The following OPRD1 variants were observed in gnomAD, a reference collection of about 807,000 sequenced individuals.
OPRD1 encodes the protein opioid receptor delta 1.
OPRD1 carries 19 observed loss-of-function variants against 17.5 expected under a neutral mutation model. That is an observed-to-expected ratio of 1.09 (90% CI 0.76 to 1.60). The LOEUF (loss-of-function observed/expected upper bound fraction) is 1.60, where lower values mean the gene tolerates loss of function less well. Ranked by LOEUF, OPRD1 falls within the 40% of genes most tolerant of loss-of-function variation. OPRD1 has a pLI of 0.00. For synonymous variants in OPRD1, 256 were observed against 240.9 expected, an observed-to-expected ratio of 1.06 and a Z score of -0.58; for missense variants, 483 against 547.2, an observed-to-expected ratio of 0.88 and a Z score of 1.17.
At chr1:28,822,412 A>G (rs1176794567) in intron 1 of OPRD1, among the ~76,000 whole-genome samples, 1 of 152,086 alleles carries the variant, frequency 6.6e-6, no homozygotes, top group Non-Finnish European at 1.5e-5. Context: ...AGAAAAGACA[A>G]GCAGAATTGC....
chr1:28,814,994 C>T (rs1275227149), intron 1 of OPRD1, among the ~76,000 whole-genome samples: 2 of 152,206 alleles, frequency 1.3e-5, no homozygotes, highest in African/African-American at 4.8e-5. Flanking sequence ...GAGGGTACCA[C>T]AGTTGGCACC....
chr1:28,853,011 C>T (rs750325931), intron 1 of OPRD1, among the ~76,000 whole-genome samples: 17 of 152,136 alleles, frequency 1.1e-4, no homozygotes, highest in Admixed American at 3.3e-4. Flanking sequence ...TGAGCCACCG[C>T]GCCCAGCCAA....
At chr1:28,820,158 TTTGA>T in intron 1 of OPRD1, among the ~76,000 whole-genome samples, 1 of 151,884 alleles carries the variant, frequency 6.6e-6, no homozygotes, top group Non-Finnish European at 1.5e-5. Context: ...TTTGCATTCA[TTTGA>T]TTGACATTTA....
At chr1:28,847,283 T>G (rs1257632307) in intron 1 of OPRD1, among the ~76,000 whole-genome samples, 2 of 152,078 alleles carry the variant, frequency 1.3e-5, no homozygotes, top group African/African-American at 4.8e-5. Context: ...AACTCCTGAC[T>G]TCAGGTGATC....
chr1:28,846,846 TTTTCTTTC>T (rs1553150754), intron 1 of OPRD1, among the ~76,000 whole-genome samples: 3,558 of 76,790 alleles, frequency 0.046, 130 homozygotes, highest in African/African-American at 0.11. Flanking sequence ...TCTTTCTTTC[TTTTCTTTC>T]TTTCTTTCTT....
intron 1 of OPRD1, among the ~76,000 whole-genome samples, chr1:28,853,927 G>T (rs185537849): frequency 6.6e-6 from 1 of 151,976 alleles, no homozygotes; most frequent in East Asian, 1.9e-4. Flanking sequence ...TTTTTGTAGA[G>T]ATAGGGTTTT....
intron 1 of OPRD1, among the ~76,000 whole-genome samples, chr1:28,846,882 C>CTTTCTT (rs1553150777): frequency 1.8e-5 from 1 of 55,572 alleles, no homozygotes; most frequent in Non-Finnish European, 5.0e-5. Context: ...TTCTTTCTTT[C>CTTTCTT]TTTCTTTCTT....
chr1:28,862,980 G>C lies in OPRD1; in HGVS notation c.816G>C (p.Val272=). ...MVLVVVGAFV[V]CWAPIHIFVI... ...TGGTGGTTGTGGGCGCCTTCGTGGT[G>C]TGTTGGGCGCCCATCCACATCTTCG... Residue 272 remains valine (V), a synonymous_variant, in exon 3 of 3, where the codon GTG becomes GTC. Transcript: ENST00000234961. 2 of 1,611,136 alleles carry C rather than the reference G, an allele frequency of 1.2e-6. No homozygotes were observed. Among genetic ancestry groups the C allele is most frequent in the Non-Finnish European group, 8.5e-7 (1 of 1,178,932 alleles).
rs747969431 is a variant in OPRD1, at chr1:28,862,744, G to A, written c.580G>A (p.Gly194Arg). ...CTTTCCTTGTTTCCGCGGCCCAGAC[G>A]GGGCAGTGGTGTGCATGCTCCAGTT... is the stretch of plus-strand genomic sequence containing the variant. ...MVMAVTRPRD[G>R]AVVCMLQFPS... Residue 194 changes from glycine to arginine, a missense_variant and splice_region_variant, in exon 3 of 3, where the codon GGG becomes AGG. Gly to Arg is a moderately radical substitution (Grantham distance 125). Transcript: ENST00000234961. The A allele has an allele frequency of 1.9e-6, 3 of 1,595,894 alleles. No homozygotes were observed. Among genetic ancestry groups the A allele is most frequent in the African/African-American group, 1.3e-5 (1 of 74,710 alleles).
chr1:28,859,326 G>A (rs375813190), intron 2 of OPRD1, 23 bp downstream of exon 2: 100 of 1,590,374 alleles, frequency 6.3e-5, no homozygotes, highest in Admixed American at 6.8e-5. Context: ...GTGCACCATG[G>A]CACAGGCCAC....
chr1:28,849,529 C>T (rs968251271), intron 1 of OPRD1, among the ~76,000 whole-genome samples: 3 of 152,206 alleles, frequency 2.0e-5, no homozygotes, highest in Non-Finnish European at 4.4e-5. Flanking sequence ...CACGCACACA[C>T]AGGGGCACAC....
intron 2 of OPRD1, among the ~76,000 whole-genome samples, chr1:28,860,496 G>A (rs2089103945): frequency 6.6e-6 from 1 of 152,170 alleles, no homozygotes; most frequent in East Asian, 1.9e-4. Context: ...ACCTCTCTGA[G>A]TCACACTATA....
At chr1:28,835,209 T>C (rs1181571194) in intron 1 of OPRD1, among the ~76,000 whole-genome samples, 1 of 152,104 alleles carries the variant, frequency 6.6e-6, no homozygotes, top group African/African-American at 2.4e-5. Flanking sequence ...TGCTGCCCCA[T>C]CCCTGGTCCA....
At chr1:28,848,232 C>G (rs2124282072) in intron 1 of OPRD1, among the ~76,000 whole-genome samples, 1 of 135,948 alleles carries the variant, frequency 7.4e-6, no homozygotes, top group Non-Finnish European at 1.6e-5. Context: ...CTGGACAGAG[C>G]AAGACTCCGT....
At chr1:28,828,909 G>A (rs1489289378) in intron 1 of OPRD1, among the ~76,000 whole-genome samples, 1 of 151,458 alleles carries the variant, frequency 6.6e-6, no homozygotes, top group African/African-American at 2.4e-5. Context: ...AGAATCGCTT[G>A]AACCCAGGAG....
intron 1 of OPRD1, among the ~76,000 whole-genome samples, chr1:28,820,410 G>A (rs2088702831): frequency 2.0e-5 from 3 of 151,804 alleles, no homozygotes; most frequent in Non-Finnish European, 4.4e-5. Context: ...GGCCAGGCTG[G>A]TCTCCAACTC....
intron 1 of OPRD1, among the ~76,000 whole-genome samples, chr1:28,845,250 G>A (rs1027310205): frequency 6.6e-6 from 1 of 151,896 alleles, no homozygotes; most frequent in African/African-American, 2.4e-5. Flanking sequence ...TTGGGAGGCC[G>A]AGGTAGGTGG....
Position 28,868,055 on chromosome 1 carries a change from G to A in OPRD1, c.*4772G>A, listed in dbSNP as rs1268204591. 1 of 152,470 alleles carries A rather than the reference G, an allele frequency of 6.6e-6. No homozygotes were observed. The highest frequency in any genetic ancestry group is 1.5e-5 in the Non-Finnish European group (1 of 68,138). 9.4% of individuals were successfully genotyped at this position (152,470 alleles called of 1,614,324 possible). On this transcript the variant is annotated 3_prime_UTR_variant, in exon 3 of 3. Coordinates refer to ENST00000234961, the MANE Select transcript of OPRD1 (RefSeq NM_000911.4). The stretch of plus-strand genomic sequence containing the variant: ...GCTACCATGGAAACTGGAGGAGGAG[G>A]GCGTTCCCAGGAGGAGGGAGTGATG...
rs1410145596 is a variant in OPRD1, at chr1:28,869,399, T to C, written c.*6116T>C. On this transcript the variant is annotated 3_prime_UTR_variant, in exon 3 of 3. Coordinates refer to ENST00000234961, the MANE Select transcript of OPRD1 (RefSeq NM_000911.4). ...TGGCACTGCGAGGTTGCCCGGGTTC[T>C]AGTCCCAGCACCATCACCGGGGATG... 1 of 152,164 alleles carries C rather than the reference T, an allele frequency of 6.6e-6. No individual in the cohort carries two copies. The highest frequency in any genetic ancestry group is 1.5e-5 in the Non-Finnish European group (1 of 68,068). The allele number at this position is 152,164 out of a possible 1,614,324, so 9.4% of individuals were successfully genotyped here.
Sources: allele counts gnomAD v4.1 joint callset (sites outside exome capture counted in the v4.1 genomes callset), GRCh38; gene constraint gnomAD v4.1.1; transcripts MANE v1.5; gene names NCBI Gene and HGNC (gene_info 2026-07-23, HGNC 2026-07-21).